Variants in FAXC observed in about 807,000 individuals in gnomAD.
FAXC encodes the protein failed axon connections homolog.
A neutral mutation model predicts 41.9 loss-of-function variants in FAXC; 10 were observed. The ratio of observed to expected loss-of-function variants is 0.24; its 90% CI spans 0.15 to 0.41. FAXC has a LOEUF of 0.41. Among genes scored for constraint, FAXC ranks in the 10% least tolerant of loss-of-function variants. The pLI, the probability that FAXC is intolerant of heterozygous loss-of-function variation, is 1.00. For missense variants in FAXC, 399 were observed against 510.9 expected (o/e 0.78, Z 2.11); for synonymous variants, 183 against 183.8 (o/e 1.00, Z 0.03).
chr6:99,340,372 A>AT (rs1371438185), intron 2 of FAXC, among the ~76,000 whole-genome samples: 1 of 152,138 alleles, frequency 6.6e-6, no homozygotes, highest in Non-Finnish European at 1.5e-5. Flanking sequence ...AAGTGCTGGG[A>AT]TTACAGGCAT....
chr6:99,323,228 T>C (rs1462851944), intron 4 of FAXC, among the ~76,000 whole-genome samples: 1 of 152,188 alleles, frequency 6.6e-6, no homozygotes, highest in Non-Finnish European at 1.5e-5. Flanking sequence ...TCACACGGGC[T>C]CACCATGCTA....
chr6:99,283,929 T>C (rs1327472155), intron 5 of FAXC, among the ~76,000 whole-genome samples: 3 of 152,210 alleles, frequency 2.0e-5, no homozygotes, highest in African/African-American at 4.8e-5. Flanking sequence ...TATCACTTCA[T>C]TGATGGCCTT....
At chr6:99,285,906 G>A (rs922808336) in intron 5 of FAXC, among the ~76,000 whole-genome samples, 1 of 152,266 alleles carries the variant, frequency 6.6e-6, no homozygotes, top group East Asian at 1.9e-4. Flanking sequence ...ACAACTTGAT[G>A]CTGAAAACAT....
chr6:99,308,039 G>A (rs958475511), intron 4 of FAXC, among the ~76,000 whole-genome samples: 3 of 152,216 alleles, frequency 2.0e-5, no homozygotes, highest in Admixed American at 6.5e-5. Context: ...GCTTACACCT[G>A]TAATCCTAGC....
In FAXC at chr6:99,349,580, C is replaced by G. The variant is rs1180868502; in HGVS notation, c.-208G>C. 5.3e-6 allele frequency: 1 copy of G among 189,252 alleles called. No individual in the cohort carries two copies. The highest frequency in any genetic ancestry group is 2.4e-5 in the African/African-American group (1 of 42,008). The allele number at this position is 189,252 out of a possible 1,614,324, so 11.7% of individuals were successfully genotyped here. On this transcript the variant is annotated 5_prime_UTR_variant, in exon 1 of 6. Transcript: ENST00000389677. Reference sequence around the variant, plus strand: ...GGCCGCGGACGGCGGGCCTGGCCGGCGGGGCCCCAGAGCCCTGGGCGGCAG... The same window carrying G: ...GGCCGCGGACGGCGGGCCTGGCCGGGGGGGCCCCAGAGCCCTGGGCGGCAG...
Position 99,276,353 on chromosome 6 carries a change from G to C in FAXC, c.*4811C>G, listed in dbSNP as rs970075189. The C allele has an allele frequency of 1.3e-5, 2 of 152,144 alleles. No homozygotes were observed. The highest frequency in any genetic ancestry group is 2.9e-5 in the Non-Finnish European group (2 of 68,020). 9.4% of individuals were successfully genotyped at this position (152,144 alleles called of 1,614,324 possible). A position where few individuals can be genotyped will look rare whatever the true frequency, so the allele number is the denominator to read the frequency against. On this transcript the variant is annotated 3_prime_UTR_variant, in exon 6 of 6. Transcript: ENST00000389677. ...CTCTTCTCTCCCACCTTCAGCCCAG[G>C]CTGGTTGCCCTATCCATGCAGAAGC...
chr6:99,323,612 A>G lies in FAXC; in HGVS notation c.655T>C (p.Ser219Pro). Residue 219 changes from serine to proline, a missense_variant, in exon 4 of 6, where the codon TCT becomes CCT. By Grantham distance (74) the Ser-to-Pro change is moderately conservative. Transcript: ENST00000389677. ...DNLNETRKML[S>P]LSGGGPFSNL... ...CTGAAGGGACCACCACCACTAAGAG[A>G]GAGCATCTTCCGGGTCTCATTGAGA... is the stretch of plus-strand genomic sequence containing the variant. 3.1e-6 allele frequency: 5 copies of G among 1,614,224 alleles called. No homozygotes were observed. Among genetic ancestry groups the G allele is most frequent in the Non-Finnish European group, 4.2e-6 (5 of 1,180,040 alleles).
chr6:99,315,951 C>G (rs1454630309), intron 4 of FAXC, among the ~76,000 whole-genome samples: 1 of 152,182 alleles, frequency 6.6e-6, no homozygotes, highest in Non-Finnish European at 1.5e-5. Context: ...ATCTACTTTT[C>G]CCATGAGATA....
At chr6:99,346,570 T>C (rs2128466371) in intron 1 of FAXC, among the ~76,000 whole-genome samples, 1 of 147,770 alleles carries the variant, frequency 6.8e-6, no homozygotes, top group Non-Finnish European at 1.5e-5. Flanking sequence ...TGTGGGGTTT[T>C]TTTGTTTGTT....
intron 4 of FAXC, 123 bp downstream of exon 4, chr6:99,323,321 T>C (rs9389250): frequency 0.26 from 207,662 of 796,002 alleles, 27,916 homozygotes; most frequent in Admixed American, 0.34. Flanking sequence ...GGGACTGCAA[T>C]CTACACATGG....
chr6:99,285,024 G>A (rs1478982511), intron 5 of FAXC, among the ~76,000 whole-genome samples: 1 of 50,028 alleles, frequency 2.0e-5, no homozygotes, highest in Non-Finnish European at 3.3e-5. Flanking sequence ...TACTTGACTG[G>A]TAAAAAAAAA....
intron 1 of FAXC, among the ~76,000 whole-genome samples, chr6:99,346,339 A>G (rs1773592495): frequency 6.6e-6 from 1 of 152,152 alleles, no homozygotes; most frequent in Admixed American, 6.6e-5. Flanking sequence ...GCAATGCTTC[A>G]GTTCTCCACA....
In FAXC at chr6:99,333,547, T is replaced by C. The variant is rs778316718; in HGVS notation, c.403A>G (p.Asn135Asp). The C allele has an allele frequency of 6.3e-7, 1 of 1,596,492 alleles. No homozygotes were observed. The highest frequency in any genetic ancestry group is 8.5e-7 in the Non-Finnish European group (1 of 1,173,704). ...GCAGAGAGTTTTCCACCAAAATAGT[T>C]CTAAGCAGAGTACATTTTTAAAAAG... ...YLRMADLPYQNYFGGKLSAQG... is the reference protein window; with the variant it reads ...YLRMADLPYQDYFGGKLSAQG... The change falls in exon 3 of 6, where the codon AAC becomes GAC. Residue 135 changes from asparagine to aspartate, a missense_variant and splice_region_variant. Coordinates refer to ENST00000389677, the MANE Select transcript of FAXC (RefSeq NM_032511.4).
Position 99,349,383 on chromosome 6 carries a change from T to G in FAXC, c.-11A>C, listed in dbSNP as rs774749458. ...AACCCCCCAGTGCATGCTGCGCGGC[T>G]GGCTCCGGGCGCCCCTCCCAGGGCC... is the stretch of plus-strand genomic sequence containing the variant. On this transcript the variant is annotated 5_prime_UTR_variant, in exon 1 of 6. Transcript: ENST00000389677. The G allele has an allele frequency of 6.3e-7, 1 of 1,596,074 alleles. No homozygotes were observed. Among genetic ancestry groups the G allele is most frequent in the Non-Finnish European group, 8.5e-7 (1 of 1,171,790 alleles).
At chr6:99,318,312 A>G in intron 4 of FAXC, among the ~76,000 whole-genome samples, 1 of 141,710 alleles carries the variant, frequency 7.1e-6, no homozygotes, top group African/African-American at 2.6e-5. Flanking sequence ...CACACAAAAT[A>G]GAAGAAATGG....
Position 99,275,678 on chromosome 6 carries a change from T to G in FAXC, c.*5486A>C, listed in dbSNP as rs910037. The stretch of plus-strand genomic sequence containing the variant: ...AGTGCCCTCTGTAATCATCTCTAAC[T>G]GGCAAGGCTAACGTTGCTGGTTCCA... On this transcript the variant is annotated 3_prime_UTR_variant, in exon 6 of 6. Transcript: ENST00000389677. The G allele has an allele frequency of 6.6e-6, 1 of 152,086 alleles. No individual in the cohort carries two copies. The highest frequency in any genetic ancestry group is 1.5e-5 in the Non-Finnish European group (1 of 68,018). The allele number at this position is 152,086 out of a possible 1,614,324, so 9.4% of individuals were successfully genotyped here.
intron 4 of FAXC, among the ~76,000 whole-genome samples, chr6:99,316,263 T>G (rs2128457958): frequency 6.6e-6 from 1 of 151,928 alleles, no homozygotes; most frequent in Non-Finnish European, 1.5e-5. Context: ...CTTGTGTTGG[T>G]GCTCGGAGAA....
intron 4 of FAXC, among the ~76,000 whole-genome samples, chr6:99,308,890 C>T (rs554884731): frequency 2.8e-4 from 42 of 152,190 alleles, no homozygotes; most frequent in African/African-American, 9.9e-4. Flanking sequence ...TTAAAATTTT[C>T]GTTTATTATA....
rs555616806 is a variant in FAXC at position 99,314,410 on chromosome 6, C to CA, written c.823+9033dup. On this transcript the variant is annotated intron_variant, in intron 4 of 5. Transcript: ENST00000389677. ...TACAAAATACAAAACCCCGTCTCTACAAAAAATACAAAAATTAGCTGGGCG... is the reference window on the plus strand; with the variant it reads ...TACAAAATACAAAACCCCGTCTCTACAAAAAAATACAAAAATTAGCTGGGCG... Among the ~76,000 whole-genome samples the CA allele has an allele frequency of 6.7e-4, 102 of 152,276 alleles. 1 individual carries two copies. The highest frequency in any genetic ancestry group is 1.2e-3 in the Non-Finnish European group (80 of 68,020).
Sources: gnomAD v4.1 joint callset for allele counts (sites outside exome capture counted in the v4.1 genomes callset) on GRCh38, gnomAD v4.1.1 for gene constraint, MANE v1.5 for transcripts, NCBI Gene and HGNC (gene_info 2026-07-23, HGNC 2026-07-21) for gene names.